MYZAP: variants seen among roughly 807,000 people sequenced by gnomAD.
MYZAP encodes the protein GRINL1A complex locus upstream.
In MYZAP, 66 loss-of-function variants were observed where a neutral mutation model predicts 69.4. The observed-to-expected ratio is 0.95, with a 90% CI of 0.78 to 1.17. The LOEUF is 1.17. Ranked by LOEUF, MYZAP falls within the 50% of genes most tolerant of loss-of-function variation. The probability of loss-of-function intolerance (pLI) is 0.00; values close to 1 mark genes in which losing one functional copy is unlikely to be tolerated. For synonymous variants in MYZAP, 256 were observed against 205.9 expected, an observed-to-expected ratio of 1.24 and a Z score of -2.09; for missense variants, 611 against 556.2, an observed-to-expected ratio of 1.10 and a Z score of -0.99.
At chr15:57,606,144 C>T (rs1444402111) in intron 2 of MYZAP, among the ~76,000 whole-genome samples, 1 of 151,998 alleles carries the variant, frequency 6.6e-6, no homozygotes, top group Admixed American at 6.6e-5. Flanking sequence ...AAAGTATCAC[C>T]CCAGCGGATT....
At chr15:57,595,697 C>T (rs944754524) in intron 1 of MYZAP, among the ~76,000 whole-genome samples, 1 of 152,148 alleles carries the variant, frequency 6.6e-6, no homozygotes, top group Non-Finnish European at 1.5e-5. Flanking sequence ...CAGCACCTTG[C>T]TCTCTTGATA....
chr15:57,646,001 T>C, intron 10 of MYZAP: 4 of 388,088 alleles, frequency 1.0e-5, no homozygotes, highest in Admixed American at 1.0e-4. Context: ...CACACGAAAG[T>C]ACATTTTACT....
chr15:57,637,275 C>T (rs1474161605), intron 8 of MYZAP, among the ~76,000 whole-genome samples: 1 of 152,208 alleles, frequency 6.6e-6, no homozygotes, highest in Non-Finnish European at 1.5e-5. Flanking sequence ...CAAGTGAATA[C>T]ACCTGTGTAA....
chr15:57,625,247 T>C (rs1403251763), intron 4 of MYZAP, among the ~76,000 whole-genome samples: 1 of 152,106 alleles, frequency 6.6e-6, no homozygotes, highest in Non-Finnish European at 1.5e-5. Flanking sequence ...CTAATTTTTG[T>C]ATTTTTAGTA....
chr15:57,677,730 A>G (rs1184119013), intron 12 of MYZAP, among the ~76,000 whole-genome samples: 1 of 152,224 alleles, frequency 6.6e-6, no homozygotes, highest in Admixed American at 6.5e-5. Flanking sequence ...CCAGTGTGGA[A>G]CAGTCAGGGA....
rs60114009 is a variant in MYZAP at position 57,623,802 on chromosome 15, T to TA, written c.412-1963dup. 1.0e-3 allele frequency among the ~76,000 whole-genome samples: 137 copies of TA among 132,806 alleles called. No individual in the cohort carries two copies. The East Asian group carries it at 0.01, about 10-fold the overall frequency. The allele number at this position is 132,806 out of a possible 152,430, so 87.1% of individuals were successfully genotyped here. A position where few individuals can be genotyped will look rare whatever the true frequency, so the allele number is the denominator to read the frequency against. On this transcript the variant is annotated intron_variant, in intron 4 of 12. Coordinates refer to ENST00000267853, the MANE Select transcript of MYZAP (RefSeq NM_001018100.5). ...CAATAGAATATATGCAGTTGTAAAT[T>TA]AAAAAAAAAAAAAAGAAAAAGCAAG... is the stretch of plus-strand genomic sequence containing the variant.
chr15:57,614,119 G>C (rs1183826708), intron 2 of MYZAP, among the ~76,000 whole-genome samples: 1 of 152,186 alleles, frequency 6.6e-6, no homozygotes, highest in African/African-American at 2.4e-5. Context: ...AACATTAACT[G>C]TCTGTTCCTC....
chr15:57,684,418 C>G lies in MYZAP; in HGVS notation c.1321C>G (p.Arg441Gly), dbSNP rs766760376. The change falls in exon 13 of 13, where the codon CGT becomes GGT. Residue 441 changes from arginine (R) to glycine (G), a missense_variant. By Grantham distance (125) the Arg-to-Gly change is moderately radical. Coordinates refer to ENST00000267853, the MANE Select transcript of MYZAP (RefSeq NM_001018100.5). ...ATTTCTCAGCCAAACAGGCAGGACTCGTGAAATTGTGATGCCTTCTAGGAA... is the reference window on the plus strand; with the variant it reads ...ATTTCTCAGCCAAACAGGCAGGACTGGTGAAATTGTGATGCCTTCTAGGAA... ...DLLPSQTGRT[R>G]EIVMPSRNYT... 4 of 1,612,750 alleles carry G rather than the reference C, an allele frequency of 2.5e-6. No individual in the cohort carries two copies. Among genetic ancestry groups the G allele is most frequent in the Admixed American group, 1.7e-5 (1 of 59,872 alleles).
rs1268453720 is a variant in MYZAP at position 57,598,552 on chromosome 15, G to A, written c.76-5717G>A. ...TCACTCCCCCTATGTTTTCCCTTCC[G>A]TCCATTGTGTGGTGCATGGAACACT... is the stretch of plus-strand genomic sequence containing the variant. On this transcript the variant is annotated intron_variant, in intron 1 of 12. Transcript: ENST00000267853. 3.9e-5 allele frequency among the ~76,000 whole-genome samples: 6 copies of A among 152,274 alleles called. No homozygotes were observed. The East Asian group carries it at 5.8e-4, about 15-fold the overall frequency.
intron 2 of MYZAP, among the ~76,000 whole-genome samples, chr15:57,609,529 G>C (rs1280213221): frequency 6.6e-6 from 1 of 152,286 alleles, no homozygotes; most frequent in East Asian, 1.9e-4. Flanking sequence ...GGCCCAGTCT[G>C]ATGGCTTTCT....
chr15:57,665,285 C>G (rs895122527), intron 11 of MYZAP, among the ~76,000 whole-genome samples: 8 of 152,206 alleles, frequency 5.3e-5, no homozygotes, highest in African/African-American at 1.9e-4. Flanking sequence ...GGACGTGAGT[C>G]TTATAGGCTG....
At chr15:57,629,059 G>C (rs1595885832) in intron 5 of MYZAP, among the ~76,000 whole-genome samples, 1 of 148,248 alleles carries the variant, frequency 6.7e-6, no homozygotes, top group East Asian at 2.0e-4. Flanking sequence ...CTCCAGTCTG[G>C]GCGACAGAGT....
chr15:57,672,967 C>G (rs1449014388), intron 11 of MYZAP, among the ~76,000 whole-genome samples: 2 of 152,140 alleles, frequency 1.3e-5, no homozygotes, highest in African/African-American at 4.8e-5. Flanking sequence ...CCCCCAAGAC[C>G]GAGCTCCTCA....
At chr15:57,667,946 T>C (rs2038667345) in intron 11 of MYZAP, among the ~76,000 whole-genome samples, 2 of 152,176 alleles carry the variant, frequency 1.3e-5, no homozygotes, top group Admixed American at 1.3e-4. Flanking sequence ...TTCTTGATCT[T>C]TTTTTTCTGT....
chr15:57,656,330 C>T (rs2038009809), intron 10 of MYZAP, among the ~76,000 whole-genome samples: 1 of 152,112 alleles, frequency 6.6e-6, no homozygotes, highest in Non-Finnish European at 1.5e-5. Context: ...TAAAGATGAT[C>T]AAAGTCTTTA....
chr15:57,658,698 T>G (rs2038127870), intron 10 of MYZAP, among the ~76,000 whole-genome samples: 2 of 152,200 alleles, frequency 1.3e-5, no homozygotes, highest in Non-Finnish European at 2.9e-5. Context: ...GTGTATCACT[T>G]CTGGGGTGTA....
At chr15:57,607,912 C>T (rs1055628831) in intron 2 of MYZAP, among the ~76,000 whole-genome samples, 12 of 152,160 alleles carry the variant, frequency 7.9e-5, no homozygotes, top group Admixed American at 2.0e-4. Context: ...CGGGGAGACT[C>T]TGTAGGGGCC....
At position 57,591,966 on chromosome 15, in the gene MYZAP, G is replaced by T. The variant is rs528382845; in HGVS notation, c.-69G>T. On this transcript the variant is annotated 5_prime_UTR_variant, in exon 1 of 13. Coordinates refer to ENST00000267853, the MANE Select transcript of MYZAP (RefSeq NM_001018100.5). ...GTCCCGCGTCGCCCCCGCGCAGGGC[G>T]GGCCCCGCACGCTTATTCTGCCCGG... 2.9e-5 allele frequency: 37 copies of T among 1,292,634 alleles called. No individual in the cohort carries two copies. Among genetic ancestry groups the T allele is most frequent in the Non-Finnish European group, 3.4e-5 (35 of 1,018,038 alleles). 80.1% of individuals were successfully genotyped at this position (1,292,634 alleles called of 1,614,324 possible).
At chr15:57,628,966 C>G (rs2036322225) in intron 5 of MYZAP, among the ~76,000 whole-genome samples, 1 of 151,838 alleles carries the variant, frequency 6.6e-6, no homozygotes, top group African/African-American at 2.4e-5. Flanking sequence ...GCCTGTAGTC[C>G]CAGCTACTCG....
Sources: gnomAD v4.1 joint callset for allele counts (sites outside exome capture counted in the v4.1 genomes callset) on GRCh38, gnomAD v4.1.1 for gene constraint, MANE v1.5 for transcripts, NCBI Gene and HGNC (gene_info 2026-07-23, HGNC 2026-07-21) for gene names.